Variants in PCDHA10 observed in about 807,000 individuals in gnomAD.
PCDHA10 encodes protocadherin alpha-10.
A neutral mutation model predicts 61.2 loss-of-function variants in PCDHA10; 45 were observed. The ratio of observed to expected loss-of-function variants is 0.74; its 90% confidence interval spans 0.58 to 0.94. PCDHA10 has a LOEUF of 0.94. Among genes scored for constraint, PCDHA10 ranks in the 40% least tolerant of loss-of-function variants. PCDHA10 has a pLI of 0.00. For missense variants in PCDHA10, 1,278 were observed against 1,236.2 expected, an observed-to-expected ratio of 1.03 and a Z score of -0.51; for synonymous variants, 602 against 548.8, an observed-to-expected ratio of 1.10 and a Z score of -1.35.
At chr5:140,992,318 C>G (rs2097504992) in intron 3 of PCDHA10, among the ~76,000 whole-genome samples, 1 of 152,128 alleles carries the variant, frequency 6.6e-6, no homozygotes, top group African/African-American at 2.4e-5. Flanking sequence ...TGGGCATTCC[C>G]TTTTCTAAGA....
intron 3 of PCDHA10, among the ~76,000 whole-genome samples, chr5:141,004,397 GA>G (rs2098164833): frequency 6.6e-6 from 1 of 152,188 alleles, no homozygotes; most frequent in African/African-American, 2.4e-5. Context: ...ACATGTGGAG[GA>G]GGCACCTGAC....
intron 3 of PCDHA10, among the ~76,000 whole-genome samples, chr5:140,999,060 G>A (rs1199782818): frequency 1.3e-5 from 2 of 152,210 alleles, no homozygotes; most frequent in East Asian, 1.9e-4. Context: ...CCATGCCTAA[G>A]TAGTCTCCTT....
intron 1 of PCDHA10, among the ~76,000 whole-genome samples, chr5:140,873,824 C>A (rs1411429273): frequency 6.6e-6 from 1 of 152,118 alleles, no homozygotes; most frequent in Non-Finnish European, 1.5e-5. Flanking sequence ...CCACTCCTGG[C>A]TAATTTTTGT....
chr5:140,888,558 C>T (rs782768307), intron 1 of PCDHA10, among the ~76,000 whole-genome samples: 6 of 152,188 alleles, frequency 3.9e-5, no homozygotes, highest in Non-Finnish European at 7.3e-5. Flanking sequence ...TTATTCCTTT[C>T]AAGGCTTCAT....
In PCDHA10 at chr5:140,877,117, G is replaced by A. The variant is rs781979355; in HGVS notation, c.2388+18681G>A. The A allele has an allele frequency of 9.3e-6, 15 of 1,613,720 alleles. No homozygotes were observed. The East Asian group carries it at 1.8e-4, about 19-fold the overall frequency. ...CGGCGTGCCGCCTCTGGGCAGCAAC[G>A]TGACGCTGCAGGTGTTCGTGCTGGA... On this transcript the variant is annotated intron_variant, in intron 1 of 3. Coordinates refer to ENST00000307360, the MANE Select transcript of PCDHA10 (RefSeq NM_018901.4).
chr5:140,869,614 A>T lies in PCDHA10; in HGVS notation c.2388+11178A>T, dbSNP rs1554163296. ...TGAAGAGAATGCTCTATTGACCTACAGGCTAAGTAAAAATGAGTATTTTTC... is the reference window on the plus strand; with the variant it reads ...TGAAGAGAATGCTCTATTGACCTACTGGCTAAGTAAAAATGAGTATTTTTC... On this transcript the variant is annotated intron_variant, in intron 1 of 3. Transcript: ENST00000307360. 2 of 1,613,940 alleles carry T rather than the reference A, an allele frequency of 1.2e-6. No homozygotes were observed. The highest frequency in any genetic ancestry group is 4.5e-5 in the East Asian group (2 of 44,886).
intron 1 of PCDHA10, among the ~76,000 whole-genome samples, chr5:140,931,556 A>T (rs2153608416): frequency 6.6e-6 from 1 of 152,166 alleles, no homozygotes; most frequent in East Asian, 1.9e-4. Context: ...ATGTGCAGGA[A>T]TATTGTACCA....
intron 1 of PCDHA10, among the ~76,000 whole-genome samples, chr5:140,911,285 G>C (rs1292114305): frequency 6.6e-6 from 1 of 152,078 alleles, no homozygotes; most frequent in Non-Finnish European, 1.5e-5. Flanking sequence ...GCTTCATCAG[G>C]GTCCTTTTAC....
chr5:140,969,529 T>C, intron 1 of PCDHA10: 1 of 1,377,800 alleles, frequency 7.3e-7, no homozygotes, highest in Non-Finnish European at 9.7e-7. Flanking sequence ...GTTTTATTTT[T>C]CATTTTCAGA....
In PCDHA10 at chr5:140,870,598, G is replaced by A. The variant is rs1273087028; in HGVS notation, c.2388+12162G>A. On this transcript the variant is annotated intron_variant, in intron 1 of 3. Transcript: ENST00000307360. Reference sequence around the variant, plus strand: ...CTACTCGCTGGTGGAGCGGCGGTTGGGCGACCGCGCGCTGTCGAGCTACGT... The same window carrying A: ...CTACTCGCTGGTGGAGCGGCGGTTGAGCGACCGCGCGCTGTCGAGCTACGT... The A allele has an allele frequency of 3.7e-6, 6 of 1,613,282 alleles. No individual in the cohort carries two copies. The African/African-American group carries it at 8.0e-5, about 22-fold the overall frequency.
At chr5:140,889,949 A>G (rs1444545834) in intron 1 of PCDHA10, among the ~76,000 whole-genome samples, 1 of 152,202 alleles carries the variant, frequency 6.6e-6, no homozygotes, top group South Asian at 2.1e-4. Flanking sequence ...GAGAAGCCAA[A>G]TGGATAGAAA....
chr5:140,892,661 T>A (rs2063613573), intron 1 of PCDHA10, among the ~76,000 whole-genome samples: 1 of 152,232 alleles, frequency 6.6e-6, no homozygotes, highest in Non-Finnish European at 1.5e-5. Flanking sequence ...CAGAGTGACA[T>A]TTTGATACAT....
chr5:140,871,461 A>G, intron 1 of PCDHA10: 1 of 1,605,278 alleles, frequency 6.2e-7, no homozygotes, highest in Non-Finnish European at 8.5e-7. Context: ...AGGAAGGGGA[A>G]AGACAGGAGC....
chr5:140,885,642 A>G (rs2060672494), intron 1 of PCDHA10, among the ~76,000 whole-genome samples: 1 of 152,170 alleles, frequency 6.6e-6, no homozygotes, highest in Non-Finnish European at 1.5e-5. Flanking sequence ...CCTTCCAAGT[A>G]TTTTGGAACC....
rs200436467 is a variant in PCDHA10 at position 140,883,790 on chromosome 5, G to A, written c.2388+25354G>A. 640 of 1,612,406 alleles carry A rather than the reference G, an allele frequency of 4.0e-4. No individual in the cohort carries two copies. The highest frequency in any genetic ancestry group is 5.2e-4 in the Non-Finnish European group (616 of 1,179,760). ...GGGCGAGCGTGCGCTGTCGAGCTAC[G>A]TGTCGGTGCACGCGGAGAGCGGCAA... is the stretch of plus-strand genomic sequence containing the variant. On this transcript the variant is annotated intron_variant, in intron 1 of 3. Transcript: ENST00000307360.
chr5:140,860,192 C>CATATATATATATAT (rs143984774), intron 1 of PCDHA10: 1 of 146,860 alleles, frequency 6.8e-6, no homozygotes, highest in African/African-American at 2.5e-5. Context: ...GCTCTCCTTA[C>CATATATATATATAT]ATATATATCT....
chr5:140,967,659 G>A, intron 1 of PCDHA10: 1 of 1,614,218 alleles, frequency 6.2e-7, no homozygotes, highest in Non-Finnish European at 8.5e-7. Flanking sequence ...TCCTTGAGCA[G>A]CTACACGTCG....
intron 1 of PCDHA10, among the ~76,000 whole-genome samples, chr5:140,952,416 G>A (rs114343205): frequency 2.1e-3 from 324 of 151,824 alleles, no homozygotes; most frequent in African/African-American, 7.0e-3. Flanking sequence ...TTAATGTTCC[G>A]CAGATTCCTA....
At chr5:141,003,676 C>T (rs2098133802) in intron 3 of PCDHA10, among the ~76,000 whole-genome samples, 2 of 152,124 alleles carry the variant, frequency 1.3e-5, no homozygotes, top group East Asian at 1.9e-4. Context: ...ATATGTTGTT[C>T]TGATTTTAAA....
Sources: gnomAD v4.1 joint callset for allele counts (sites outside exome capture counted in the v4.1 genomes callset) on GRCh38, gnomAD v4.1.1 for gene constraint, MANE v1.5 for transcripts, NCBI Gene and HGNC (gene_info 2026-07-23, HGNC 2026-07-21) for gene names.